SNTG1: variants seen among roughly 807,000 people sequenced by gnomAD.
SNTG1 encodes the protein syntrophin gamma 1.
In SNTG1, 39 loss-of-function variants were observed where a neutral mutation model predicts 74.7. The observed-to-expected ratio is 0.52, with a 90% CI of 0.40 to 0.68. The LOEUF is 0.68. Ranked by LOEUF, SNTG1 falls within the 30% of genes least tolerant of loss-of-function variation. The probability of loss-of-function intolerance (pLI) is 0.00; values close to 1 mark genes in which losing one functional copy is unlikely to be tolerated. For synonymous variants in SNTG1, 254 were observed against 217.1 expected (o/e 1.17, Z -1.49); for missense variants, 685 against 609.5 (o/e 1.12, Z -1.30).
Position 50,329,940 on chromosome 8 carries a change from G to A in SNTG1, c.-27-64272G>A, listed in dbSNP as rs182243745. On this transcript the variant is annotated intron_variant, in intron 2 of 18. Coordinates refer to ENST00000642720, the MANE Select transcript of SNTG1 (RefSeq NM_018967.5). The stretch of plus-strand genomic sequence containing the variant: ...AAAATTTCCACAGATCTCTAAGGCA[G>A]GGGCAATTTGCCACCAGTCTGTTTG... 2.0e-5 allele frequency among the ~76,000 whole-genome samples: 3 copies of A among 152,252 alleles called. No homozygotes were observed. In the East Asian group the frequency reaches 5.8e-4, roughly 29 times the overall value.
At chr8:50,235,994 C>A (rs952405210) in intron 2 of SNTG1, among the ~76,000 whole-genome samples, 1 of 152,098 alleles carries the variant, frequency 6.6e-6, no homozygotes, top group Non-Finnish European at 1.5e-5. Flanking sequence ...TATAAACCAA[C>A]CTAAGATACT....
intron 2 of SNTG1, among the ~76,000 whole-genome samples, chr8:50,186,729 T>TTTTTG (rs1204384318): frequency 1.3e-5 from 2 of 152,022 alleles, no homozygotes; most frequent in East Asian, 1.9e-4. Flanking sequence ...GGTTGTTTTG[T>TTTTTG]TTTTGTTTTG....
chr8:50,585,291 G>A (rs1311299364), intron 12 of SNTG1, among the ~76,000 whole-genome samples: 37 of 151,612 alleles, frequency 2.4e-4, no homozygotes, highest in Admixed American at 2.4e-3. Context: ...GGCAACCCTG[G>A]TCTAAGCCAT....
chr8:50,273,948 G>A (rs958740209), intron 2 of SNTG1, among the ~76,000 whole-genome samples: 1 of 152,036 alleles, frequency 6.6e-6, no homozygotes, highest in African/African-American at 2.4e-5. Flanking sequence ...AAACTTTACA[G>A]TTTTTTACAT....
At chr8:50,367,791 A>G (rs2092156376) in intron 2 of SNTG1, among the ~76,000 whole-genome samples, 1 of 152,134 alleles carries the variant, frequency 6.6e-6, no homozygotes, top group African/African-American at 2.4e-5. Flanking sequence ...ACACACACAC[A>G]CACGCACACA....
intron 12 of SNTG1, among the ~76,000 whole-genome samples, chr8:50,553,469 C>T (rs968513997): frequency 6.6e-6 from 1 of 152,024 alleles, no homozygotes; most frequent in Non-Finnish European, 1.5e-5. Flanking sequence ...TAAAAGCATT[C>T]GGGAATAATA....
chr8:50,150,209 T>C (rs1482503973), intron 1 of SNTG1, among the ~76,000 whole-genome samples: 3 of 152,218 alleles, frequency 2.0e-5, no homozygotes, highest in African/African-American at 7.2e-5. Context: ...GTTATTGGTG[T>C]ATAAGAATGC....
At position 50,631,772 on chromosome 8, in the gene SNTG1, A is replaced by G. The variant is rs140653106; in HGVS notation, c.850-25137A>G. Among the ~76,000 whole-genome samples, 4 of 152,316 alleles carry G rather than the reference A, an allele frequency of 2.6e-5. No homozygotes were observed. In the East Asian group the frequency reaches 7.7e-4, roughly 29 times the overall value. ...TGTGATTTGTTCTACAGAAAAGCAC[A>G]GTGTGAATCTATGGTTTAAGAGACC... On this transcript the variant is annotated intron_variant, in intron 13 of 18. Coordinates refer to ENST00000642720, the MANE Select transcript of SNTG1 (RefSeq NM_018967.5).
At chr8:50,139,213 T>C (rs1008232508) in intron 1 of SNTG1, among the ~76,000 whole-genome samples, 11 of 152,228 alleles carry the variant, frequency 7.2e-5, no homozygotes, top group African/African-American at 1.9e-4. Context: ...GGGGAAATTA[T>C]GTTATCAACA....
At chr8:50,081,621 GTT>G (rs1299999159) in intron 1 of SNTG1, among the ~76,000 whole-genome samples, 22 of 151,190 alleles carry the variant, frequency 1.5e-4, no homozygotes, top group Admixed American at 1.5e-3. Flanking sequence ...CGTTTTTTTT[GTT>G]TTTGTTTTTG....
intron 1 of SNTG1, among the ~76,000 whole-genome samples, chr8:49,994,421 ATTTT>A (rs35821274): frequency 3.7e-5 from 5 of 135,126 alleles, no homozygotes; most frequent in African/African-American, 1.4e-4. Flanking sequence ...ATGCCCGGCT[ATTTT>A]TTTTTTTTTT....
intron 2 of SNTG1, among the ~76,000 whole-genome samples, chr8:50,325,767 A>G (rs759010944): frequency 1.6e-4 from 25 of 152,046 alleles, no homozygotes; most frequent in Non-Finnish European, 2.9e-4. Context: ...GACTTCCTGT[A>G]TGATTTTTAA....
intron 2 of SNTG1, among the ~76,000 whole-genome samples, chr8:50,177,405 G>T (rs867545395): frequency 3.3e-5 from 5 of 152,254 alleles, no homozygotes; most frequent in Middle Eastern, 3.4e-3. Flanking sequence ...GCTGCAGTCA[G>T]TGCCTCATTC....
intron 13 of SNTG1, among the ~76,000 whole-genome samples, chr8:50,599,845 T>C (rs2094759893): frequency 6.6e-6 from 1 of 152,138 alleles, no homozygotes; most frequent in African/African-American, 2.4e-5. Context: ...AGTACTATTT[T>C]GAGTAACAGT....
rs552431606 is a variant in SNTG1, at chr8:50,721,117, A to G, written c.1284+12139A>G. 3.3e-5 allele frequency among the ~76,000 whole-genome samples: 5 copies of G among 152,246 alleles called. No homozygotes were observed. In the East Asian group the frequency reaches 7.7e-4, roughly 24 times the overall value. Reference sequence around the variant, plus strand: ...TAGCATTAATACAACTTCACCTTCCATTTGTACATTATTAATGCATTACAG... The same window carrying G: ...TAGCATTAATACAACTTCACCTTCCGTTTGTACATTATTAATGCATTACAG... On this transcript the variant is annotated intron_variant, in intron 17 of 18. Transcript: ENST00000642720.
chr8:50,732,375 A>AT (rs35353091), intron 17 of SNTG1, among the ~76,000 whole-genome samples: 31,141 of 151,736 alleles, frequency 0.21, 3,312 homozygotes, highest in South Asian at 0.31. Context: ...TTTGGCAGAC[A>AT]TTTTTTCTCT....
At chr8:49,964,060 A>G (rs915330108) in intron 1 of SNTG1, among the ~76,000 whole-genome samples, 1 of 152,198 alleles carries the variant, frequency 6.6e-6, no homozygotes, top group Non-Finnish European at 1.5e-5. Flanking sequence ...TATAGTAGGC[A>G]CTCAGTGTGA....
chr8:50,116,338 A>G (rs1400360904), intron 1 of SNTG1, among the ~76,000 whole-genome samples: 1 of 152,140 alleles, frequency 6.6e-6, no homozygotes, highest in Non-Finnish European at 1.5e-5. Flanking sequence ...TTACTCCAAA[A>G]TCAATTTCAG....
chr8:50,643,037 A>G (rs1487618602), intron 13 of SNTG1, among the ~76,000 whole-genome samples: 1 of 148,256 alleles, frequency 6.7e-6, no homozygotes, highest in African/African-American at 2.6e-5. Flanking sequence ...ATGCCATTAT[A>G]TTTGATATTC....
Sources: gnomAD v4.1 joint callset for allele counts (sites outside exome capture counted in the v4.1 genomes callset) on GRCh38, gnomAD v4.1.1 for gene constraint, MANE v1.5 for transcripts, NCBI Gene and HGNC (gene_info 2026-07-23, HGNC 2026-07-21) for gene names.